ANO2: variants seen among roughly 807,000 people sequenced by gnomAD.
ANO2 encodes anoctamin 2.
ANO2 carries 101 observed loss-of-function variants against 124.2 expected under a neutral mutation model. That is an observed-to-expected ratio of 0.81 (90% CI 0.69 to 0.96). The LOEUF (loss-of-function observed/expected upper bound fraction) is 0.96. Ranked by LOEUF, ANO2 falls within the 40% of genes least tolerant of loss-of-function variation. The probability of loss-of-function intolerance (pLI) is 0.00; values close to 1 mark genes in which losing one functional copy is unlikely to be tolerated. For synonymous variants in ANO2, 486 were observed against 482.5 expected (o/e 1.01, Z -0.09); for missense variants, 1,293 against 1,274.5 (o/e 1.01, Z -0.22).
At chr12:5,826,764 G>C (rs372330561) in intron 7 of ANO2, among the ~76,000 whole-genome samples, 11 of 152,050 alleles carry the variant, frequency 7.2e-5, no homozygotes, top group African/African-American at 2.4e-4. Context: ...TGGGTACCCA[G>C]GCAGCTTACA....
chr12:5,893,812 A>G (rs189497438), intron 3 of ANO2, among the ~76,000 whole-genome samples: 45 of 152,308 alleles, frequency 3.0e-4, no homozygotes, highest in Admixed American at 2.4e-3. Flanking sequence ...TGTGCAAAGG[A>G]CATGAACTCA....
At chr12:5,857,721 T>C (rs1409629570) in intron 3 of ANO2, among the ~76,000 whole-genome samples, 4 of 152,172 alleles carry the variant, frequency 2.6e-5, no homozygotes, top group Admixed American at 2.6e-4. Flanking sequence ...ATTAGATTAT[T>C]TGTTGAATCA....
At chr12:5,697,418 C>G (rs891361347) in intron 14 of ANO2, among the ~76,000 whole-genome samples, 1 of 151,624 alleles carries the variant, frequency 6.6e-6, no homozygotes, top group South Asian at 2.1e-4. Context: ...GGCAACAGAG[C>G]AAGACTCAGT....
intron 10 of ANO2, among the ~76,000 whole-genome samples, chr12:5,762,349 A>G (rs1951765938): frequency 6.6e-6 from 1 of 152,040 alleles, no homozygotes. Flanking sequence ...AAGAGGAAGC[A>G]TATGTTTCTA....
At chr12:5,585,259 A>G (rs114014294) in intron 20 of ANO2, among the ~76,000 whole-genome samples, 1,879 of 152,152 alleles carry the variant, frequency 0.012, 34 homozygotes, top group African/African-American at 0.041. Flanking sequence ...ACTACTTAAG[A>G]AATAAGGACA....
At position 5,563,352 on chromosome 12, in the gene ANO2, G is replaced by A. The variant is rs1258683282; in HGVS notation, c.2944C>T (p.Gln982Ter). ...GACATCATGCTGCCCAGCTGGCTTT[G>A]GCCTGAAGGTGCTGAGCTGGCTGCC... ...SRAASSAPSG[Q>*]SQLGSMMSSG... The change falls in exon 25 of 25, where the codon CAA becomes TAA. Residue 982 changes from glutamine (Q) to a stop codon, truncating the protein, a stop_gained. Coordinates refer to ENST00000682330, the MANE Select transcript of ANO2 (RefSeq NM_001364791.2). LOFTEE classifies it high-confidence loss of function. The A allele has an allele frequency of 6.2e-7, 1 of 1,605,012 alleles. No homozygotes were observed.
intron 14 of ANO2, among the ~76,000 whole-genome samples, chr12:5,667,009 C>A (rs1273778911): frequency 6.6e-6 from 1 of 152,178 alleles, no homozygotes; most frequent in Admixed American, 6.5e-5. Context: ...GCATGAGTGT[C>A]CCTGGCTGGC....
chr12:5,688,455 C>T (rs1413605947), intron 14 of ANO2, among the ~76,000 whole-genome samples: 8 of 152,158 alleles, frequency 5.3e-5, no homozygotes, highest in African/African-American at 1.9e-4. Context: ...GATTTTCTTC[C>T]AGTCAATCCT....
rs180999063 is a variant in ANO2 at position 5,826,559 on chromosome 12, G to A, written c.892+1210C>T. Among the ~76,000 whole-genome samples the A allele has an allele frequency of 1.1e-4, 16 of 151,880 alleles. No individual in the cohort carries two copies. In the East Asian group the frequency reaches 2.5e-3, roughly 24 times the overall value. On this transcript the variant is annotated intron_variant, in intron 7 of 24. Transcript: ENST00000682330. Reference sequence around the variant, plus strand: ...TACTCAGCCTCGCCTCATCAGCACCGTGTTCCAGACAAATAACATAACATG... The same window carrying A: ...TACTCAGCCTCGCCTCATCAGCACCATGTTCCAGACAAATAACATAACATG...
chr12:5,762,093 G>C (rs913673142), intron 10 of ANO2, among the ~76,000 whole-genome samples: 1 of 152,002 alleles, frequency 6.6e-6, no homozygotes, highest in Admixed American at 6.5e-5. Context: ...TTTGTTTTAT[G>C]ATATGTTTAC....
chr12:5,646,075 C>T (rs1946623954), intron 15 of ANO2, among the ~76,000 whole-genome samples: 2 of 152,066 alleles, frequency 1.3e-5, no homozygotes, highest in Admixed American at 6.6e-5. Context: ...TGAACATAGC[C>T]CTTTGGAGTT....
intron 14 of ANO2, among the ~76,000 whole-genome samples, chr12:5,697,840 A>G (rs1035051105): frequency 6.6e-6 from 1 of 152,218 alleles, no homozygotes; most frequent in Non-Finnish European, 1.5e-5. Flanking sequence ...TCCCACGCCC[A>G]TGGAGCCTCG....
At chr12:5,899,666 TTGCAAAGAGCTC>T (rs1361819906) in intron 3 of ANO2, among the ~76,000 whole-genome samples, 2 of 152,206 alleles carry the variant, frequency 1.3e-5, no homozygotes, top group African/African-American at 4.8e-5. Flanking sequence ...CAGCTCCATT[TTGCAAAGAGCTC>T]TGCAAACCAG....
At chr12:5,864,141 A>T (rs1307292718) in intron 3 of ANO2, among the ~76,000 whole-genome samples, 2 of 152,104 alleles carry the variant, frequency 1.3e-5, no homozygotes, top group African/African-American at 2.4e-5. Context: ...GATCCCACAT[A>T]AAAAAAATCA....
chr12:5,612,794 A>G, intron 18 of ANO2, 38 bp from the exon 19 acceptor site: 1 of 1,611,922 alleles, frequency 6.2e-7, no homozygotes, highest in Middle Eastern at 1.7e-4. Context: ...GGTTAGAACA[A>G]AAGGGAGCTC....
At chr12:5,664,145 C>T (rs1026016260) in intron 14 of ANO2, among the ~76,000 whole-genome samples, 38 of 152,246 alleles carry the variant, frequency 2.5e-4, no homozygotes, top group Non-Finnish European at 5.0e-4. Flanking sequence ...TGTGCATACA[C>T]ACAAACTCAT....
At chr12:5,780,204 T>C (rs998153634) in intron 10 of ANO2, among the ~76,000 whole-genome samples, 1 of 152,188 alleles carries the variant, frequency 6.6e-6, no homozygotes, top group Non-Finnish European at 1.5e-5. Context: ...TCTATGCATA[T>C]ATTCCTATAG....
chr12:5,656,584 C>T (rs1221733465), intron 14 of ANO2, among the ~76,000 whole-genome samples: 1 of 152,206 alleles, frequency 6.6e-6, no homozygotes, highest in Non-Finnish European at 1.5e-5. Flanking sequence ...TCATTCCCCA[C>T]CCACTGTACC....
chr12:5,794,131 G>T (rs1952778411), intron 10 of ANO2, among the ~76,000 whole-genome samples: 1 of 152,212 alleles, frequency 6.6e-6, no homozygotes, highest in Non-Finnish European at 1.5e-5. Flanking sequence ...AGGAAGAATA[G>T]ACTTCAGGCC....
Sources: gnomAD v4.1 joint callset for allele counts (sites outside exome capture counted in the v4.1 genomes callset) on GRCh38, gnomAD v4.1.1 for gene constraint, MANE v1.5 for transcripts, NCBI Gene and HGNC (gene_info 2026-07-23, HGNC 2026-07-21) for gene names.